The following TRIM28 variants were observed in gnomAD, a reference collection of about 807,000 sequenced individuals.
TRIM28 encodes tripartite motif containing 28, also known as transcription intermediary factor 1-beta.
A neutral mutation model predicts 87.4 loss-of-function variants in TRIM28; 8 were observed. The observed-to-expected ratio is 0.09, with a 90% CI of 0.05 to 0.17. The LOEUF (loss-of-function observed/expected upper bound fraction) is 0.17, where lower values mean the gene tolerates loss of function less well. TRIM28 is among the 10% of genes least tolerant of loss of function. The probability of loss-of-function intolerance (pLI) is 1.00; values close to 1 mark genes in which losing one functional copy is unlikely to be tolerated. For missense variants in TRIM28, 968 were observed against 1,131.8 expected, an observed-to-expected ratio of 0.86 and a Z score of 2.08; for synonymous variants, 601 against 454.3, an observed-to-expected ratio of 1.32 and a Z score of -4.11.
chr19:58,549,836 C>T lies in TRIM28; in HGVS notation c.2082C>T (p.Ala694=), dbSNP rs1283279536. 11 of 1,612,372 alleles carry T rather than the reference C, an allele frequency of 6.8e-6. No homozygotes were observed. The highest frequency in any genetic ancestry group is 9.3e-6 in the Non-Finnish European group (11 of 1,178,564). The part of the protein sequence containing the change: ...LDGADSTGVV[A]KLSPANQRKC... ...GTGCAGACAGCACTGGCGTGGTGGC[C>T]AAGCTCTCACCAGCCAACCAGCGGG... The change falls in exon 14 of 17, where the codon GCC becomes GCT. Residue 694 remains alanine, a synonymous_variant. Coordinates refer to ENST00000253024, the MANE Select transcript of TRIM28 (RefSeq NM_005762.3). The surrounding 1 kb of genome is among the most constrained non-coding windows in gnomAD (Gnocchi z 4.4).
chr19:58,549,178 C>T lies in TRIM28; in HGVS notation c.1600C>T (p.Pro534Ser). 1 of 1,613,910 alleles carries T rather than the reference C, an allele frequency of 6.2e-7. No homozygotes were observed. The highest frequency in any genetic ancestry group is 1.1e-5 in the South Asian group (1 of 91,090). The change falls in exon 12 of 17, where the codon CCA (proline) becomes TCA (serine). Residue 534 changes from proline to serine, a missense_variant. Physicochemically the swap from Pro to Ser is moderately conservative, Grantham distance 74. This residue lies in a region of TRIM28 where 164 missense variants were observed against 146.2 expected (regional missense o/e 1.12). Transcript: ENST00000253024. The surrounding 1 kb of genome is among the most constrained non-coding windows in gnomAD (Gnocchi z 4.4). ...CGCTGCCGCTGCAGCTACCGGCCAG[C>T]CAGGGACTGCGCCTGCAGGAACCCC... Reference protein sequence around the residue: ...RGAAAAATGQPGTAPAGTPGA... With the variant: ...RGAAAAATGQSGTAPAGTPGA...
rs1197777561 is a variant in TRIM28 at position 58,550,194 on chromosome 19, C to G, written c.2241C>G (p.Leu747=). The G allele has an allele frequency of 3.1e-6, 5 of 1,613,896 alleles. No individual in the cohort carries two copies. The African/African-American group carries it at 4.0e-5, about 13-fold the overall frequency. ...TLDLTLIRAR[L]QEKLSPPYSS... ...ATCTGACCCTGATCCGTGCCCGCCT[C>G]CAGGAGAAGTTGTCACCTCCCTACA... is the stretch of plus-strand genomic sequence containing the variant. The change falls in exon 16 of 17, where the codon CTC becomes CTG. Residue 747 remains leucine, a synonymous_variant. Coordinates refer to ENST00000253024, the MANE Select transcript of TRIM28 (RefSeq NM_005762.3).
At position 58,544,836 on chromosome 19, in the gene TRIM28, G is replaced by A. The variant is rs1158702615; in HGVS notation, c.79G>A (p.Ala27Thr). 1.6e-6 allele frequency: 2 copies of A among 1,279,226 alleles called. No individual in the cohort carries two copies. Among genetic ancestry groups the A allele is most frequent in the Non-Finnish European group, 9.9e-7 (1 of 1,013,260 alleles). 79.2% of individuals were successfully genotyped at this position (1,279,226 alleles called of 1,614,324 possible). A position where few individuals can be genotyped will look rare whatever the true frequency, so the allele number is the denominator to read the frequency against. The change falls in exon 1 of 17, where the codon GCT becomes ACT. Residue 27 changes from alanine (A) to threonine (T), a missense_variant. This residue lies in a region of TRIM28 where 208 missense variants were observed against 170.9 expected (regional missense o/e 1.22). Coordinates refer to ENST00000253024, the MANE Select transcript of TRIM28 (RefSeq NM_005762.3). The part of the protein sequence containing the change: ...SGSPGPGEGS[A>T]GGEKRSTAPS... ...CAGCCCGGGCCCGGGCGAGGGCTCC[G>A]CTGGCGGCGAAAAGCGCTCCACCGC...
intron 9 of TRIM28, 29 bp downstream of exon 9, chr19:58,548,621 G>A: frequency 6.2e-7 from 1 of 1,610,324 alleles, no homozygotes; most frequent in South Asian, 1.1e-5. Flanking sequence ...CCAGGAAGGG[G>A]TGGGCAGGGA....
Position 58,545,746 on chromosome 19 carries a change from C to G in TRIM28, c.454-18C>G. 1 of 1,594,586 alleles carries G rather than the reference C, an allele frequency of 6.3e-7. No individual in the cohort carries two copies. The highest frequency in any genetic ancestry group is 8.6e-7 in the Non-Finnish European group (1 of 1,165,964). ...ATCAAGTTGTCTTGCCTTCTCTGAC[C>G]CTGCCTTTGTCTGGCAGTGCTGCAC... On this transcript the variant is annotated intron_variant, in intron 2 of 16. Coordinates refer to ENST00000253024, the MANE Select transcript of TRIM28 (RefSeq NM_005762.3).
Position 58,545,096 on chromosome 19 carries a change from C to G in TRIM28, c.339C>G (p.Thr113=), listed in dbSNP as rs1007195399. ...SGDGGAAGDG[T]VVDCPVCKQQ... ...ACGGCGGGGCGGCGGGCGACGGCAC[C>G]GGTAAGTACGAAGTGATCGGTGCCA... The change falls in exon 1 of 17, where the codon ACC becomes ACG. Residue 113 remains threonine (T), a splice_region_variant and synonymous_variant. Transcript: ENST00000253024. 2.8e-6 allele frequency: 4 copies of G among 1,419,872 alleles called. No homozygotes were observed. The highest frequency in any genetic ancestry group is 3.6e-6 in the Non-Finnish European group (4 of 1,099,672). 88.0% of individuals were successfully genotyped at this position (1,419,872 alleles called of 1,614,324 possible).
In TRIM28 at chr19:58,550,029, C is replaced by T. The variant is rs1324622213; in HGVS notation, c.2187C>T (p.Phe729=). 1.2e-6 allele frequency: 2 copies of T among 1,613,990 alleles called. No homozygotes were observed. The highest frequency in any genetic ancestry group is 2.2e-5 in the East Asian group (1 of 44,898). The change falls in exon 15 of 17, where the codon TTC becomes TTT. Residue 729 remains phenylalanine, a synonymous_variant. Transcript: ENST00000253024. ...ATCAGCTGGCTACCGACTCCACCTT[C>T]TCCCTGGTGAGTCCTAGGATGGGAA... is the stretch of plus-strand genomic sequence containing the variant. ...PLHQLATDST[F]SLDQPGGTLD...
In TRIM28 at chr19:58,545,497, G is replaced by A; in HGVS notation, c.413G>A (p.Ser138Asn). 6.2e-7 allele frequency: 1 copy of A among 1,612,638 alleles called. No individual in the cohort carries two copies. The highest frequency in any genetic ancestry group is 8.5e-7 in the Non-Finnish European group (1 of 1,179,778). ...DIVENYFMRDSGSKAATDAQD... is the reference protein window; with the variant it reads ...DIVENYFMRDNGSKAATDAQD... ...GTGGAGAATTATTTCATGCGTGATA[G>A]TGGCAGCAAGGCTGCCACCGACGCC... Residue 138 changes from serine (S) to asparagine (N), a missense_variant, in exon 2 of 17, where the codon AGT becomes AAT. By Grantham distance (46) the Ser-to-Asn change is conservative. Transcript: ENST00000253024.
chr19:58,544,911 G>C lies in TRIM28; in HGVS notation c.154G>C (p.Ala52Pro), dbSNP rs1364807184. 5 of 1,389,414 alleles carry C rather than the reference G, an allele frequency of 3.6e-6. No individual in the cohort carries two copies. The highest frequency in any genetic ancestry group is 2.5e-4 in the Middle Eastern group (1 of 3,970). 86.1% of individuals were successfully genotyped at this position (1,389,414 alleles called of 1,614,324 possible). ...ASASAAASSP[A>P]GGGAEALELL... The stretch of plus-strand genomic sequence containing the variant: ...TGCCTCAGCCGCGGCGTCGTCGCCC[G>C]CGGGGGGCGGCGCCGAGGCGCTGGA... The change falls in exon 1 of 17, where the codon GCG becomes CCG. Residue 52 changes from alanine to proline, a missense_variant. Ala to Pro is a conservative substitution (Grantham distance 27). This residue lies in a region of TRIM28 where 208 missense variants were observed against 170.9 expected (regional missense o/e 1.22). Transcript: ENST00000253024.
chr19:58,546,958 A>C (rs2053766352), intron 3 of TRIM28, among the ~76,000 whole-genome samples: 1 of 150,762 alleles, frequency 6.6e-6, no homozygotes, highest in Admixed American at 6.6e-5. Flanking sequence ...AGAGGGAGGA[A>C]GTTAACCATG....
At position 58,550,480 on chromosome 19, in the gene TRIM28, C is replaced by G. The variant is rs200265199; in HGVS notation, c.2435C>G (p.Pro812Arg). 83 of 1,612,556 alleles carry G rather than the reference C, an allele frequency of 5.1e-5. No individual in the cohort carries two copies. The highest frequency in any genetic ancestry group is 6.9e-5 in the Non-Finnish European group (81 of 1,179,972). Residue 812 changes from proline (P) to arginine (R), a missense_variant, in exon 17 of 17, where the codon CCC (proline) becomes CGC (arginine). Pro to Arg is a moderately radical substitution (Grantham distance 103, BLOSUM62 -2). This residue lies in a region of TRIM28 where 192 missense variants were observed against 225.6 expected (regional missense o/e 0.85). Transcript: ENST00000253024. ...DTKFSAVLVE[P>R]PPMSLPGAGL... is the part of the protein sequence containing the mutation. ...AAGTTCTCTGCTGTGCTGGTGGAGC[C>G]CCCGCCGATGAGCCTGCCTGGTGCT...
Position 58,547,526 on chromosome 19 carries a change from A to G in TRIM28, c.722+15A>G, listed in dbSNP as rs371981689. The stretch of plus-strand genomic sequence containing the variant: ...AAGGACCACCAGTGAGTCCCAAGGC[A>G]TAGTGGTTGGGTGGGTGGGTGCCAC... On this transcript the variant is annotated intron_variant, in intron 4 of 16. Coordinates refer to ENST00000253024, the MANE Select transcript of TRIM28 (RefSeq NM_005762.3). 2.9e-5 allele frequency: 46 copies of G among 1,613,310 alleles called. No homozygotes were observed. In the African/African-American group the frequency reaches 4.7e-4, roughly 16 times the overall value.
chr19:58,549,265 G>C lies in TRIM28; in HGVS notation c.1662+25G>C, dbSNP rs1438019149. 4 of 1,605,272 alleles carry C rather than the reference G, an allele frequency of 2.5e-6. No homozygotes were observed. Among genetic ancestry groups the C allele is most frequent in the Admixed American group, 1.7e-5 (1 of 59,570 alleles). On this transcript the variant is annotated intron_variant, in intron 12 of 16. Coordinates refer to ENST00000253024, the MANE Select transcript of TRIM28 (RefSeq NM_005762.3). This position sits in a 1 kb window ranked among gnomAD's most constrained non-coding sequence, Gnocchi z 4.4. ...GGTAAGCCTGTCCCAAGGAACTATA[G>C]CTGTAGGATGAAGCCTGTAGTCCAG...
At chr19:58,547,096 T>TC (rs2053767756) in intron 3 of TRIM28, 2 of 374,996 alleles carry the variant, frequency 5.3e-6, no homozygotes, top group Non-Finnish European at 9.8e-6. Flanking sequence ...GGTGGGGTGG[T>TC]CCTCTTTTTC....
Position 58,546,023 on chromosome 19 carries a change from G to A in TRIM28, c.586+127G>A, listed in dbSNP as rs1250307000. 12 of 1,229,818 alleles carry A rather than the reference G, an allele frequency of 9.8e-6. No homozygotes were observed. The East Asian group carries it at 2.0e-4, about 20-fold the overall frequency. 76.2% of individuals were successfully genotyped at this position (1,229,818 alleles called of 1,614,324 possible). ...CTAGGGGGTGCCGCCCGAAGGGCCC[G>A]AGGGCAGAACTCCAGAAGCAGAAAA... On this transcript the variant is annotated intron_variant, in intron 3 of 16. Coordinates refer to ENST00000253024, the MANE Select transcript of TRIM28 (RefSeq NM_005762.3).
intron 3 of TRIM28, 139 bp from the exon 4 acceptor site, chr19:58,547,237 C>T (rs1568660372): frequency 1.7e-6 from 2 of 1,169,444 alleles, no homozygotes; most frequent in South Asian, 1.5e-5. Context: ...TGTGTTCTTC[C>T]CTGGCCACAC....
At chr19:58,546,126 C>T (rs1257353789) in intron 3 of TRIM28, among the ~76,000 whole-genome samples, 2 of 152,102 alleles carry the variant, frequency 1.3e-5, no homozygotes, top group Non-Finnish European at 2.9e-5. Flanking sequence ...CCTTAATGTG[C>T]TGCAGGGAGG....
At chr19:58,545,645 G>A (rs2053755105) in intron 2 of TRIM28, 108 bp downstream of exon 2, 1 of 1,515,502 alleles carries the variant, frequency 6.6e-7, no homozygotes, top group African/African-American at 1.4e-5. Context: ...CAAGGCTCTG[G>A]GTGGGCTGCC....
chr19:58,546,141 A>G (rs950042289), intron 3 of TRIM28, among the ~76,000 whole-genome samples: 2 of 152,128 alleles, frequency 1.3e-5, no homozygotes, highest in African/African-American at 4.8e-5. Context: ...GGGAGGTACA[A>G]AGGGTTTGAG....
Sources: allele counts gnomAD v4.1 joint callset (sites outside exome capture counted in the v4.1 genomes callset), GRCh38; gene constraint gnomAD v4.1.1; regional missense constraint gnomAD v4.1.1; non-coding constraint Gnocchi (gnomAD v3.1); transcripts MANE v1.5; gene names NCBI Gene and HGNC (gene_info 2026-07-23, HGNC 2026-07-21).